The following CELF2 variants were observed in gnomAD, a reference collection of about 807,000 sequenced individuals.
The protein encoded by CELF2 is CUG triplet repeat RNA-binding protein 2.
A neutral mutation model predicts 62.6 loss-of-function variants in CELF2; 8 were observed. The ratio of observed to expected loss-of-function variants is 0.13; its 90% CI spans 0.07 to 0.23. CELF2 has a LOEUF of 0.23. CELF2 is among the 10% of genes least tolerant of loss of function. CELF2 has a pLI of 1.00. For missense variants in CELF2, 333 were observed against 671.0 expected, an observed-to-expected ratio of 0.50 and a Z score of 5.56; for synonymous variants, 258 against 250.0, an observed-to-expected ratio of 1.03 and a Z score of -0.30.
At chr10:11,147,532 T>C (rs1430865266) in intron 1 of CELF2, among the ~76,000 whole-genome samples, 1 of 152,180 alleles carries the variant, frequency 6.6e-6, no homozygotes, top group Non-Finnish European at 1.5e-5. Context: ...ATAAAATGCA[T>C]GTGCAAAGCT....
intron 9 of CELF2, among the ~76,000 whole-genome samples, chr10:11,299,156 CAG>C (rs2093472101): frequency 6.6e-6 from 1 of 152,374 alleles, no homozygotes; most frequent in Admixed American, 6.5e-5. Flanking sequence ...CTGGGTTAAA[CAG>C]AGCAAGACTG....
the CELF2 span, among the ~76,000 whole-genome samples, chr10:10,625,467 T>A: frequency 6.6e-6 from 1 of 150,962 alleles, no homozygotes; most frequent in Non-Finnish European, 1.5e-5. Context: ...AGCACAGTAA[T>A]AATGCCTTCT....
the CELF2 span, among the ~76,000 whole-genome samples, chr10:10,757,523 C>T: frequency 2.0e-5 from 3 of 152,122 alleles, no homozygotes; most frequent in Admixed American, 2.0e-4. Flanking sequence ...GACAATGACA[C>T]ACATGCACAC....
chr10:11,279,282 A>G (rs1433468414), intron 8 of CELF2, among the ~76,000 whole-genome samples: 2 of 152,232 alleles, frequency 1.3e-5, no homozygotes, highest in Non-Finnish European at 2.9e-5. Context: ...TTTTGAAGGT[A>G]ACAATAACAT....
At chr10:11,032,399 CT>C (rs1175237435) in intron 1 of CELF2, among the ~76,000 whole-genome samples, 7 of 152,166 alleles carry the variant, frequency 4.6e-5, no homozygotes, top group Admixed American at 3.9e-4. Context: ...GGGGGAATCG[CT>C]TGAGGCCAGG....
At chr10:11,241,102 G>C (rs2073738085) in intron 3 of CELF2, among the ~76,000 whole-genome samples, 1 of 152,178 alleles carries the variant, frequency 6.6e-6, no homozygotes, top group Admixed American at 6.5e-5. Flanking sequence ...CGAAGGGGAG[G>C]CTTCCTCTGT....
At chr10:10,861,486 C>T (rs1416167934) in intron 1 of CELF2, among the ~76,000 whole-genome samples, 4 of 152,152 alleles carry the variant, frequency 2.6e-5, no homozygotes, top group African/African-American at 9.7e-5. Context: ...AATTTAACAA[C>T]ACATTTTTCT....
intron 1 of CELF2, among the ~76,000 whole-genome samples, chr10:11,126,451 A>G (rs557473716): frequency 2.0e-5 from 3 of 152,210 alleles, no homozygotes; most frequent in Non-Finnish European, 4.4e-5. Context: ...TCAAGATGGC[A>G]TTCGTCATAC....
chr10:10,924,218 C>G (rs1326389766), intron 2 of CELF2, among the ~76,000 whole-genome samples: 1 of 126,130 alleles, frequency 7.9e-6, no homozygotes. Context: ...GGAGGCGGAG[C>G]TTGCAGTGAG....
At chr10:11,209,104 C>T (rs1036497552) in intron 2 of CELF2, among the ~76,000 whole-genome samples, 6 of 152,074 alleles carry the variant, frequency 3.9e-5, no homozygotes, top group Non-Finnish European at 7.4e-5. Context: ...TTTTTCATGC[C>T]CCTGGTTCCT....
At chr10:11,286,757 T>C (rs1042361166) in intron 8 of CELF2, among the ~76,000 whole-genome samples, 5 of 152,218 alleles carry the variant, frequency 3.3e-5, no homozygotes, top group African/African-American at 9.6e-5. Context: ...TTGCCAGAAG[T>C]CTGCCCTTTT....
At chr10:11,019,826 C>G (rs993536794) in intron 1 of CELF2, among the ~76,000 whole-genome samples, 2 of 152,106 alleles carry the variant, frequency 1.3e-5, no homozygotes, top group Non-Finnish European at 2.9e-5. Flanking sequence ...TGTATAGACA[C>G]GTAATACATG....
At chr10:11,108,417 T>A (rs2054242235) in intron 1 of CELF2, among the ~76,000 whole-genome samples, 1 of 151,966 alleles carries the variant, frequency 6.6e-6, no homozygotes, top group South Asian at 2.1e-4. Flanking sequence ...TGCATCTTAC[T>A]CCTTGCTTCT....
chr10:10,872,459 A>G (rs1359568069), intron 1 of CELF2, among the ~76,000 whole-genome samples: 1 of 152,202 alleles, frequency 6.6e-6, no homozygotes, highest in Non-Finnish European at 1.5e-5. Flanking sequence ...CAATTTTCCA[A>G]ATAATAGAAA....
intron 1 of CELF2, among the ~76,000 whole-genome samples, chr10:10,884,710 C>A (rs2061645791): frequency 6.6e-6 from 1 of 152,198 alleles, no homozygotes; most frequent in African/African-American, 2.4e-5. Flanking sequence ...GACCACAACT[C>A]CTTACTCATA....
At chr10:11,021,900 A>G (rs749400878) in intron 1 of CELF2, among the ~76,000 whole-genome samples, 9 of 152,234 alleles carry the variant, frequency 5.9e-5, no homozygotes, top group Non-Finnish European at 1.2e-4. Context: ...TGTATGTGAA[A>G]CATCATTTTA....
chr10:10,882,806 TA>T (rs770632999), intron 1 of CELF2, among the ~76,000 whole-genome samples: 1 of 152,008 alleles, frequency 6.6e-6, no homozygotes, highest in Non-Finnish European at 1.5e-5. Flanking sequence ...AAATATCAAA[TA>T]AAAAAAATCA....
the CELF2 span, among the ~76,000 whole-genome samples, chr10:10,628,597 A>G: frequency 6.6e-6 from 1 of 152,198 alleles, no homozygotes; most frequent in Non-Finnish European, 1.5e-5. Context: ...TGCTTCATCC[A>G]TGTCCCTACA....
At chr10:11,125,440 G>C (rs1361814519) in intron 1 of CELF2, among the ~76,000 whole-genome samples, 1 of 109,472 alleles carries the variant, frequency 9.1e-6, no homozygotes, top group Non-Finnish European at 1.8e-5. Context: ...GTAGTAACTG[G>C]ATAAAAAAAA....
Sources: allele counts gnomAD v4.1 joint callset (sites outside exome capture counted in the v4.1 genomes callset), GRCh38; gene constraint gnomAD v4.1.1; transcripts MANE v1.5; gene names NCBI Gene and HGNC (gene_info 2026-07-23, HGNC 2026-07-21).